Variants in SLC11A2 observed in about 807,000 individuals in gnomAD.
The protein encoded by SLC11A2 is solute carrier family 11 member 2.
In SLC11A2, 38 loss-of-function variants were observed where a neutral mutation model predicts 68.0. The observed-to-expected ratio is 0.56, with a 90% CI of 0.43 to 0.73. SLC11A2 has a LOEUF of 0.73. Among genes scored for constraint, SLC11A2 ranks in the 30% least tolerant of loss-of-function variants. The pLI, the probability that SLC11A2 is intolerant of heterozygous loss-of-function variation, is 0.00. For synonymous variants in SLC11A2, 242 were observed against 250.6 expected (o/e 0.97, Z 0.32); for missense variants, 517 against 690.5 (o/e 0.75, Z 2.82).
Position 50,988,127 on chromosome 12 carries a change from T to A in SLC11A2, c.*198A>T. Reference sequence around the variant, plus strand: ...CAGCTTTTCAAAGATCCCACCCTAATCCAGTTCTAAGGTTAGGTCAGGAAG... The same window carrying A: ...CAGCTTTTCAAAGATCCCACCCTAAACCAGTTCTAAGGTTAGGTCAGGAAG... On this transcript the variant is annotated 3_prime_UTR_variant, in exon 16 of 16. Transcript: ENST00000262052. The A allele has an allele frequency of 6.7e-7, 1 of 1,499,764 alleles. No homozygotes were observed. 92.9% of individuals were successfully genotyped at this position (1,499,764 alleles called of 1,614,324 possible).
downstream of SLC11A2, chr12:50,980,315 T>A (rs1275550010): frequency 5.9e-6 from 1 of 168,782 alleles, no homozygotes; most frequent in Admixed American, 5.9e-5. Flanking sequence ...AGGTCAAGAG[T>A]TTGAGACCAG....
intron 3 of SLC11A2, among the ~76,000 whole-genome samples, chr12:51,006,797 T>C (rs2136292416): frequency 6.6e-6 from 1 of 152,256 alleles, no homozygotes; most frequent in South Asian, 2.1e-4. Flanking sequence ...GAGACAGGGT[T>C]TTGCCATGTT....
At chr12:51,009,681 G>C (rs779954470) in intron 2 of SLC11A2, among the ~76,000 whole-genome samples, 3 of 152,182 alleles carry the variant, frequency 2.0e-5, no homozygotes, top group Non-Finnish European at 4.4e-5. Context: ...AATACAGAGC[G>C]TAAGGTACTC....
rs1171441773 is a variant in SLC11A2, at chr12:50,999,248, G to A, written c.608-7C>T. On this transcript the variant is annotated splice_region_variant and splice_polypyrimidine_tract_variant and intron_variant, in intron 7 of 15. Coordinates refer to ENST00000262052, the MANE Select transcript of SLC11A2 (RefSeq NM_000617.3). ...GCTTCTAGCTTCCGCAAGCCTAAAG[G>A]AAAAAAGGCAGCAGTGAGCTCAGAG... 2 of 1,614,038 alleles carry A rather than the reference G, an allele frequency of 1.2e-6. No homozygotes were observed. The highest frequency in any genetic ancestry group is 2.7e-5 in the African/African-American group (2 of 75,028).
At chr12:51,005,737 G>A in intron 3 of SLC11A2, 1 of 1,275,346 alleles carries the variant, frequency 7.8e-7, no homozygotes, top group Non-Finnish European at 1.0e-6. Flanking sequence ...AAAAGGACAA[G>A]AGCCACCATT....
chr12:50,952,694 C>T, the SLC11A2 span, among the ~76,000 whole-genome samples: 2 of 152,294 alleles, frequency 1.3e-5, no homozygotes, highest in African/African-American at 4.8e-5. Context: ...AGGAGGCGCA[C>T]CTGCGATGGC....
chr12:51,028,167 G>A, upstream of SLC11A2: 1 of 1,525,220 alleles, frequency 6.6e-7, no homozygotes, highest in Non-Finnish European at 8.8e-7. Context: ...AGCTTCCCTG[G>A]GCTACTTACT....
At chr12:51,019,787 A>ACTT (rs1943912958) in intron 1 of SLC11A2, among the ~76,000 whole-genome samples, 1 of 150,448 alleles carries the variant, frequency 6.6e-6, no homozygotes, top group Non-Finnish European at 1.5e-5. Context: ...AGCTGGGACT[A>ACTT]GAGGCGTGTG....
chr12:50,986,482 T>C lies in SLC11A2; in HGVS notation c.*1843A>G, dbSNP rs1276911768. ...TAAAAGAATACTAGCAGCTTTTACC[T>C]AGGCTCCTAAATGCTTGTAAATCTG... On this transcript the variant is annotated 3_prime_UTR_variant, in exon 16 of 16. Coordinates refer to ENST00000262052, the MANE Select transcript of SLC11A2 (RefSeq NM_000617.3). 7.8e-7 allele frequency: 1 copy of C among 1,285,600 alleles called. No individual in the cohort carries two copies. Among genetic ancestry groups the C allele is most frequent in the Non-Finnish European group, 1.0e-6 (1 of 987,298 alleles). 79.6% of individuals were successfully genotyped at this position (1,285,600 alleles called of 1,614,324 possible). A position where few individuals can be genotyped will look rare whatever the true frequency, so the allele number is the denominator to read the frequency against.
chr12:50,978,262 A>G (rs1289421156), downstream of SLC11A2, among the ~76,000 whole-genome samples: 1 of 151,378 alleles, frequency 6.6e-6, no homozygotes, highest in African/African-American at 2.4e-5. Context: ...ACAATGATAG[A>G]CTGGATTAAG....
At chr12:51,001,314 T>C (rs1002516463) in intron 5 of SLC11A2, among the ~76,000 whole-genome samples, 2 of 151,584 alleles carry the variant, frequency 1.3e-5, no homozygotes, top group Admixed American at 6.6e-5. Context: ...ACAAAAAGTA[T>C]AAAAATTGGG....
At chr12:50,999,077 C>T in intron 8 of SLC11A2, 97 bp downstream of exon 8, 1 of 1,048,502 alleles carries the variant, frequency 9.5e-7, no homozygotes, top group Non-Finnish European at 1.4e-6. Context: ...ATAAGTGAAT[C>T]ATACTAGCAT....
At chr12:51,008,724 G>T in intron 2 of SLC11A2, 100 bp from the exon 3 acceptor site, 1 of 943,612 alleles carries the variant, frequency 1.1e-6, no homozygotes, top group Non-Finnish European at 1.7e-6. Flanking sequence ...ATATCTAAAT[G>T]CACAAGAGAC....
rs548527457 is a variant in SLC11A2, at chr12:51,013,573, G to T, written c.-38-2807C>A. On this transcript the variant is annotated intron_variant, in intron 1 of 15. Transcript: ENST00000262052. ...GGCACTGGAAAATCAGCTGGGCACT[G>T]TTTAAGGCACTGGAAAATCACCTGG... is the stretch of plus-strand genomic sequence containing the variant. Among the ~76,000 whole-genome samples the T allele has an allele frequency of 9.2e-5, 14 of 151,710 alleles. No homozygotes were observed. In the East Asian group the frequency reaches 2.4e-3, roughly 26 times the overall value.
At chr12:50,975,522 C>T (rs1939836819), downstream of SLC11A2, among the ~76,000 whole-genome samples, 1 of 148,904 alleles carries the variant, frequency 6.7e-6, no homozygotes, top group Non-Finnish European at 1.5e-5. Context: ...GCACTAAATG[C>T]CCACAAGAGA....
intron 5 of SLC11A2, among the ~76,000 whole-genome samples, chr12:51,001,161 T>A (rs1216868118): frequency 7.8e-6 from 1 of 128,264 alleles, no homozygotes; most frequent in Non-Finnish European, 1.7e-5. Context: ...CGAGACTCCA[T>A]CTCAAAAAAA....
chr12:50,997,122 G>C, intron 8 of SLC11A2, 150 bp from the exon 9 acceptor site: 2 of 703,000 alleles, frequency 2.8e-6, no homozygotes, highest in Non-Finnish European at 5.0e-6. Flanking sequence ...CTGTCACCCA[G>C]GCTGGAATGC....
At position 50,988,088 on chromosome 12, in the gene SLC11A2, A is replaced by G; in HGVS notation, c.*237T>C. 1 of 1,456,520 alleles carries G rather than the reference A, an allele frequency of 6.9e-7. No individual in the cohort carries two copies. Among genetic ancestry groups the G allele is most frequent in the East Asian group, 3.0e-5 (1 of 33,832 alleles). The allele number at this position is 1,456,520 out of a possible 1,614,324, so 90.2% of individuals were successfully genotyped here. On this transcript the variant is annotated 3_prime_UTR_variant, in exon 16 of 16. Coordinates refer to ENST00000262052, the MANE Select transcript of SLC11A2 (RefSeq NM_000617.3). ...TACTTAAGAATTTAGTGTTGGAATG[A>G]TAGCAGCAAATGTCAGCTTTTCAAA...
intron 3 of SLC11A2, chr12:51,008,227 TAGATAGATAGA>T: frequency 3.6e-6 from 1 of 280,594 alleles, no homozygotes; most frequent in South Asian, 4.0e-5. Context: ...GATAGACAGA[TAGATAGATAGA>T]TAGATAGATA....
Sources: gnomAD v4.1 joint callset for allele counts (sites outside exome capture counted in the v4.1 genomes callset) on GRCh38, gnomAD v4.1.1 for gene constraint, MANE v1.5 for transcripts, NCBI Gene and HGNC (gene_info 2026-07-23, HGNC 2026-07-21) for gene names.